The following FANCD2 variants were observed in gnomAD, a reference collection of about 807,000 sequenced individuals.
FANCD2 encodes the protein FA complementation group D2, also known as Fanconi anemia group D2 protein.
FANCD2 carries 131 observed loss-of-function variants against 192.3 expected under a neutral mutation model. The observed-to-expected ratio is 0.68, with a 90% confidence interval of 0.59 to 0.79. The LOEUF (loss-of-function observed/expected upper bound fraction) is 0.79, where lower values mean the gene tolerates loss of function less well. FANCD2 is among the 30% of genes least tolerant of loss of function. The probability of loss-of-function intolerance (pLI) is 0.00; values close to 1 mark genes in which losing one functional copy is unlikely to be tolerated. For synonymous variants in FANCD2, 524 were observed against 612.5 expected (o/e 0.86, Z 2.13); for missense variants, 1,508 against 1,701.6 (o/e 0.89, Z 2.00).
In FANCD2 at chr3:10,070,319, C is replaced by A. The variant is rs377610730; in HGVS notation, c.2495-2552C>A. Among the ~76,000 whole-genome samples the A allele has an allele frequency of 1.9e-3, 278 of 149,132 alleles. 4 individuals are homozygous for A. The East Asian group carries it at 0.048, about 26-fold the overall frequency. The stretch of plus-strand genomic sequence containing the variant: ...GTCTCCGCCCGGCAGCCACCCCGTC[C>A]GGGAGGGAGGTGGGGGTCAGGCCCC... On this transcript the variant is annotated intron_variant, in intron 26 of 43. Transcript: ENST00000675286.
chr3:10,078,885 G>A (rs1575819102), intron 30 of FANCD2, among the ~76,000 whole-genome samples: 1 of 150,846 alleles, frequency 6.6e-6, no homozygotes, highest in Non-Finnish European at 1.5e-5. Context: ...GGAGGAGGAG[G>A]TTGCAGTGAG....
At chr3:10,080,054 A>G (rs1430199550) in intron 30 of FANCD2, among the ~76,000 whole-genome samples, 3 of 151,684 alleles carry the variant, frequency 2.0e-5, no homozygotes, top group Admixed American at 2.0e-4. Context: ...AGCTGGGACT[A>G]CAGGTGCACG....
At chr3:10,068,124 G>A (rs1048321277) in intron 26 of FANCD2, among the ~76,000 whole-genome samples, 4 of 152,068 alleles carry the variant, frequency 2.6e-5, no homozygotes, top group African/African-American at 9.7e-5. Context: ...ATACAGTATT[G>A]GAAGTCCTAG....
chr3:10,043,399 C>A lies in FANCD2; in HGVS notation c.990-85C>A. The A allele has an allele frequency of 3.6e-6, 4 of 1,102,892 alleles. No individual in the cohort carries two copies. In the East Asian group the frequency reaches 7.3e-5, roughly 20 times the overall value. 68.3% of individuals were successfully genotyped at this position (1,102,892 alleles called of 1,614,324 possible). A position where few individuals can be genotyped will look rare whatever the true frequency, so the allele number is the denominator to read the frequency against. On this transcript the variant is annotated intron_variant, in intron 12 of 43. Coordinates refer to ENST00000675286, the MANE Select transcript of FANCD2 (RefSeq NM_001018115.3). ...CTTATACATGAGGTTGTCATTTGCT[C>A]CAGGGTACATGGCAGGAACTCCGAT...
At chr3:10,055,825 T>TAATAAATA (rs544399792) in intron 18 of FANCD2, among the ~76,000 whole-genome samples, 1 of 151,658 alleles carries the variant, frequency 6.6e-6, no homozygotes, top group African/African-American at 2.4e-5. Context: ...AAAAAAATAA[T>TAATAAATA]AATAAATAAA....
At chr3:10,073,117 A>T (rs1693346455) in intron 27 of FANCD2, 136 bp downstream of exon 27, 1 of 860,744 alleles carries the variant, frequency 1.2e-6, no homozygotes, top group Non-Finnish European at 1.9e-6. Flanking sequence ...ATTTATAAAT[A>T]TACTGTAATT....
intron 22 of FANCD2, 42 bp downstream of exon 22, chr3:10,064,471 T>G (rs2087658154): frequency 6.5e-7 from 1 of 1,540,654 alleles, no homozygotes; most frequent in African/African-American, 1.4e-5. Flanking sequence ...ACTGGTGAAG[T>G]TACATCAATT....
At chr3:10,042,686 A>T in intron 11 of FANCD2, 23 bp downstream of exon 11, 1 of 1,588,078 alleles carries the variant, frequency 6.3e-7, no homozygotes, top group Non-Finnish European at 8.6e-7. Context: ...ATCCCATCAC[A>T]CCTAGATAAA....
chr3:10,043,128 T>A lies in FANCD2; in HGVS notation c.967T>A (p.Leu323Met). 6.2e-7 allele frequency: 1 copy of A among 1,614,078 alleles called. No individual in the cohort carries two copies. Among genetic ancestry groups the A allele is most frequent in the Non-Finnish European group, 8.5e-7 (1 of 1,179,998 alleles). ...PSRLQASQVK[L>M]KSKGRASSSG... ...ACGGTTACAGGCTTCCCAAGTAAAG[T>A]TGAAAAGTAAAGGACGAGCAAGGTA... Residue 323 changes from leucine (L) to methionine (M), a missense_variant, in exon 12 of 44, where the codon TTG (leucine) becomes ATG (methionine). Around this residue, in one of 5 missense-constraint regions of FANCD2, gnomAD observed 435 missense variants for 421.9 expected, o/e 1.03. Transcript: ENST00000675286.
chr3:10,092,364 C>T (rs1694670680), intron 38 of FANCD2, 112 bp downstream of exon 38: 2 of 845,850 alleles, frequency 2.4e-6, no homozygotes, highest in Admixed American at 1.7e-5. Flanking sequence ...TTGGGGCCTG[C>T]TCTCCCTGAG....
rs549500675 is a variant in FANCD2 at position 10,050,591 on chromosome 3, C to G, written c.1545+1086C>G. On this transcript the variant is annotated intron_variant, in intron 17 of 43. Transcript: ENST00000675286. ...TGAGCCAAGATAACACCACTGCACT[C>G]CAGTCTGGGCGACAGAGCAAGACTC... Among the ~76,000 whole-genome samples, 173 of 142,940 alleles carry G rather than the reference C, an allele frequency of 1.2e-3. 3 individuals carry two copies. In the South Asian group the frequency reaches 0.019, roughly 16 times the overall value. 93.8% of individuals were successfully genotyped at this position (142,940 alleles called of 152,430 possible).
In FANCD2 at chr3:10,081,489, G is replaced by C. The variant is rs1466705920; in HGVS notation, c.3224+25G>C. On this transcript the variant is annotated intron_variant, in intron 32 of 43. Coordinates refer to ENST00000675286, the MANE Select transcript of FANCD2 (RefSeq NM_001018115.3). ...GGTAAGTATGTGGGAAGTGTGGAGA[G>C]AACTGAGTATATACTTGCTTTTATT... 2.8e-6 allele frequency: 4 copies of C among 1,454,454 alleles called. No homozygotes were observed. The African/African-American group carries it at 5.6e-5, about 20-fold the overall frequency. 90.1% of individuals were successfully genotyped at this position (1,454,454 alleles called of 1,614,324 possible).
At chr3:10,050,884 C>T (rs1276125742) in intron 17 of FANCD2, among the ~76,000 whole-genome samples, 1 of 148,918 alleles carries the variant, frequency 6.7e-6, no homozygotes, top group African/African-American at 2.5e-5. Flanking sequence ...GTTGGGAGTT[C>T]GAATCAGCCT....
At chr3:10,069,459 G>GGCCCTCGCTCTC (rs758011243) in intron 26 of FANCD2, among the ~76,000 whole-genome samples, 1 of 129,432 alleles carries the variant, frequency 7.7e-6, no homozygotes, top group African/African-American at 3.9e-5. Context: ...TAGTTAAGAT[G>GGCCCTCGCTCTC]CCTCTCCCCC....
At position 10,043,527 on chromosome 3, in the gene FANCD2, C is replaced by A; in HGVS notation, c.1033C>A (p.Leu345Ile). The A allele has an allele frequency of 6.2e-7, 1 of 1,613,792 alleles. No homozygotes were observed. Residue 345 changes from leucine (L) to isoleucine (I), a missense_variant, in exon 13 of 44, where the codon CTC (leucine) becomes ATC (isoleucine). Transcript: ENST00000675286. Reference protein sequence around the residue: ...QESSGQSCIILLFDVIKSAIR... With the variant: ...QESSGQSCIIILFDVIKSAIR... ...AAGCAGCGGTCAGAGCTGTATTATT[C>A]TCCTCTTTGATGTAATAAAGTCAGC...
chr3:10,085,505 C>T (rs997327229), intron 32 of FANCD2, among the ~76,000 whole-genome samples: 87 of 151,524 alleles, frequency 5.7e-4, no homozygotes, highest in African/African-American at 2.0e-3. Context: ...GATTCTTCTG[C>T]CTCAGCCTCT....
intron 38 of FANCD2, 74 bp downstream of exon 38, chr3:10,092,326 C>CTT: frequency 8.8e-7 from 1 of 1,138,920 alleles, no homozygotes; most frequent in Non-Finnish European, 1.3e-6. Context: ...CCAAAATGGA[C>CTT]TTTCCTTGCT....
At chr3:10,081,872 C>T (rs1441534742) in intron 32 of FANCD2, among the ~76,000 whole-genome samples, 1 of 152,034 alleles carries the variant, frequency 6.6e-6, no homozygotes, top group Non-Finnish European at 1.5e-5. Context: ...AGAGAGATAA[C>T]GGAAGGAAGT....
At chr3:10,046,848 T>G in intron 15 of FANCD2, 125 bp downstream of exon 15, 1 of 787,992 alleles carries the variant, frequency 1.3e-6, no homozygotes, top group Non-Finnish European at 2.1e-6. Context: ...GTTTTTGCAT[T>G]AATCATTTTA....
Sources: allele counts gnomAD v4.1 joint callset (sites outside exome capture counted in the v4.1 genomes callset), GRCh38; gene constraint gnomAD v4.1.1; regional missense constraint gnomAD v4.1.1; transcripts MANE v1.5; gene names NCBI Gene and HGNC (gene_info 2026-07-23, HGNC 2026-07-21).